The following MIDN variants were observed in gnomAD, a reference collection of about 807,000 sequenced individuals.
The protein encoded by MIDN is midnolin.
In MIDN, 26 loss-of-function variants were observed where a neutral mutation model predicts 46.1. The ratio of observed to expected loss-of-function variants is 0.56; its 90% CI spans 0.41 to 0.78. The LOEUF is 0.78. Ranked by LOEUF, MIDN falls within the 30% of genes least tolerant of loss-of-function variation. The pLI is 0.00. For missense variants in MIDN, 850 were observed against 771.8 expected, an observed-to-expected ratio of 1.10 and a Z score of -1.20; for synonymous variants, 432 against 343.3, an observed-to-expected ratio of 1.26 and a Z score of -2.86.
At position 1,255,047 on chromosome 19, in the gene MIDN, C is replaced by G. The variant is rs778805669; in HGVS notation, c.971C>G (p.Ser324Ter). 6.2e-7 allele frequency: 1 copy of G among 1,612,534 alleles called. No homozygotes were observed. The highest frequency in any genetic ancestry group is 8.5e-7 in the Non-Finnish European group (1 of 1,179,430). ...SFVNHAPGVF[S>*]GTFSGTLHPN... ...GTGAATCACGCCCCGGGGGTCTTCT[C>G]AGGGACCTTCTCTGGTAGGTGTCAC... Residue 324 changes from serine (S) to a stop codon, truncating the protein, a stop_gained, in exon 7 of 9, where the codon TCA becomes TGA. Coordinates refer to ENST00000682408, the MANE Select transcript of MIDN (RefSeq NM_001388306.1). LOFTEE classifies it high-confidence loss of function.
chr19:1,252,759 C>T (rs1599980262), intron 4 of MIDN, among the ~76,000 whole-genome samples: 1 of 152,114 alleles, frequency 6.6e-6, no homozygotes, highest in Non-Finnish European at 1.5e-5. Flanking sequence ...TTCCGCTTTC[C>T]CAGCGGCATG....
rs1568788810 is a variant in MIDN at position 1,254,289 on chromosome 19, GGCCGCTGCGGCCGCC to G, written c.645_659del (p.Ala217_Ala221del). On this transcript the variant is annotated inframe_deletion, in exon 6 of 9. Coordinates refer to ENST00000682408, the MANE Select transcript of MIDN (RefSeq NM_001388306.1). ...CTCCACTGCAACACCGCCATGTGCT[GGCCGCTGCGGCCGCC>G]GCCGCTGCTGCGCGGGGGGACCCCA... 2.5e-6 allele frequency: 4 copies of G among 1,570,504 alleles called. No individual in the cohort carries two copies. The highest frequency in any genetic ancestry group is 1.8e-5 in the Admixed American group (1 of 55,974).
At chr19:1,249,518 C>T (rs1021001612) in intron 1 of MIDN, among the ~76,000 whole-genome samples, 2 of 149,936 alleles carry the variant, frequency 1.3e-5, no homozygotes, top group African/African-American at 4.9e-5. Context: ...GTACCAGACC[C>T]GTCTCCAGAC....
intron 7 of MIDN, 151 bp downstream of exon 7, chr19:1,255,212 C>T: frequency 8.5e-7 from 1 of 1,175,296 alleles, no homozygotes; most frequent in African/African-American, 1.5e-5. Context: ...GAATCCCCCA[C>T]ACACACGCCT....
chr19:1,253,965 GC>G lies in MIDN; in HGVS notation c.399del (p.Pro135ArgfsTer48), dbSNP rs1281129022. On this transcript the variant is annotated frameshift_variant, in exon 5 of 9. Coordinates refer to ENST00000682408, the MANE Select transcript of MIDN (RefSeq NM_001388306.1). LOFTEE classifies it high-confidence loss of function. The stretch of plus-strand genomic sequence containing the variant: ...CTCTGTCCCCACAGCCCCCAGCGGC[GC>G]CCGGGCCGGGCCGGGCTGGCGGAGG... ...SLTETQPPAA[P>X]GPGRAGGGGF... is the part of the protein sequence containing the mutation. 11 of 1,392,584 alleles carry G rather than the reference GC, an allele frequency of 7.9e-6. No homozygotes were observed. The highest frequency in any genetic ancestry group is 9.2e-6 in the Non-Finnish European group (10 of 1,081,244). 86.3% of individuals were successfully genotyped at this position (1,392,584 alleles called of 1,614,324 possible).
At chr19:1,252,620 A>C (rs1599979927) in intron 4 of MIDN, among the ~76,000 whole-genome samples, 1 of 140,766 alleles carries the variant, frequency 7.1e-6, no homozygotes, top group African/African-American at 2.7e-5. Flanking sequence ...GGCCCTGGCC[A>C]CCTCCCAGGA....
At position 1,257,026 on chromosome 19, in the gene MIDN, C is replaced by A; in HGVS notation, c.1290C>A (p.Ala430=). The A allele has an allele frequency of 6.2e-7, 1 of 1,611,768 alleles. No individual in the cohort carries two copies. The change falls in exon 9 of 9, where the codon GCC becomes GCA. Residue 430 remains alanine, a synonymous_variant. Coordinates refer to ENST00000682408, the MANE Select transcript of MIDN (RefSeq NM_001388306.1). ...GGCTTCGGCAGACAGAAAACCGCGC[C>A]ACGCGCTGCAAGGTGGAACGGCTGC... ...GDRLRQTENR[A]TRCKVERLQL... is the part of the protein sequence containing the mutation.
At position 1,254,984 on chromosome 19, in the gene MIDN, C is replaced by T. The variant is rs554393552; in HGVS notation, c.908C>T (p.Pro303Leu). 2.5e-6 allele frequency: 4 copies of T among 1,613,222 alleles called. No homozygotes were observed. The highest frequency in any genetic ancestry group is 3.4e-6 in the Non-Finnish European group (4 of 1,179,894). Reference protein sequence around the residue: ...TTSTPGASPAPRSRKPGAVIE... With the variant: ...TTSTPGASPALRSRKPGAVIE... Reference sequence around the variant, plus strand: ...TCTACCCCAGGGGCCAGCCCTGCCCCCCGCTCCCGAAAACCCGGCGCCGTC... The same window carrying T: ...TCTACCCCAGGGGCCAGCCCTGCCCTCCGCTCCCGAAAACCCGGCGCCGTC... Residue 303 changes from proline (P) to leucine (L), a missense_variant, in exon 7 of 9, where the codon CCC becomes CTC. Coordinates refer to ENST00000682408, the MANE Select transcript of MIDN (RefSeq NM_001388306.1).
chr19:1,257,492 T>G lies in MIDN; in HGVS notation c.*220T>G. On this transcript the variant is annotated 3_prime_UTR_variant, in exon 9 of 9. Coordinates refer to ENST00000682408, the MANE Select transcript of MIDN (RefSeq NM_001388306.1). ...TTCATGGGCTTTGCTTCCTACCTCC[T>G]TCACCCTTCACTCCTGCCCTCCTCT... 1.9e-6 allele frequency: 1 copy of G among 514,120 alleles called. No individual in the cohort carries two copies. Among genetic ancestry groups the G allele is most frequent in the Non-Finnish European group, 3.4e-6 (1 of 293,638 alleles). 31.8% of individuals were successfully genotyped at this position (514,120 alleles called of 1,614,324 possible).
chr19:1,251,512 G>C (rs749293633), intron 2 of MIDN, 50 bp from the exon 3 acceptor site: 15 of 1,563,924 alleles, frequency 9.6e-6, no homozygotes, highest in African/African-American at 1.4e-5. Context: ...CTGCTTCCGC[G>C]TCCCTGTGTC....
In MIDN at chr19:1,253,939, C is replaced by A; in HGVS notation, c.385-15C>A. ...GAGGGGCAGGCCCCCGTCTGACCCG[C>A]CTCTGTCCCCACAGCCCCCAGCGGC... On this transcript the variant is annotated splice_polypyrimidine_tract_variant and intron_variant, in intron 4 of 8. Coordinates refer to ENST00000682408, the MANE Select transcript of MIDN (RefSeq NM_001388306.1). The A allele has an allele frequency of 7.2e-7, 1 of 1,384,074 alleles. No homozygotes were observed. The highest frequency in any genetic ancestry group is 9.3e-7 in the Non-Finnish European group (1 of 1,076,266). 85.7% of individuals were successfully genotyped at this position (1,384,074 alleles called of 1,614,324 possible).
At position 1,257,880 on chromosome 19, in the gene MIDN, A is replaced by G. The variant is rs1008078544; in HGVS notation, c.*608A>G. ...CCAACGAGGGGACTGTTTCTCTTCC[A>G]CTCCTATCCTCTTTTCTTGATCTTT... On this transcript the variant is annotated 3_prime_UTR_variant, in exon 9 of 9. Transcript: ENST00000682408. 8.0e-5 allele frequency: 12 copies of G among 149,382 alleles called. No homozygotes were observed. The highest frequency in any genetic ancestry group is 3.0e-4 in the African/African-American group (12 of 40,026). 9.3% of individuals were successfully genotyped at this position (149,382 alleles called of 1,614,324 possible). A position where few individuals can be genotyped will look rare whatever the true frequency, so the allele number is the denominator to read the frequency against.
At position 1,255,676 on chromosome 19, in the gene MIDN, C is replaced by G; in HGVS notation, c.1240C>G (p.Arg414Gly). The G allele has an allele frequency of 1.3e-6, 2 of 1,591,666 alleles. No homozygotes were observed. The highest frequency in any genetic ancestry group is 1.7e-6 in the Non-Finnish European group (2 of 1,172,850). Reference protein sequence around the residue: ...ASLLQGQSQIRMCKPPGDRLR... With the variant: ...ASLLQGQSQIGMCKPPGDRLR... ...CCTGCTGCAGGGCCAGAGCCAGATC[C>G]GCATGTGCAAGCCCCCGGGTGAGTG... is the stretch of plus-strand genomic sequence containing the variant. Residue 414 changes from arginine (R) to glycine (G), a missense_variant, in exon 8 of 9, where the codon CGC (arginine) becomes GGC (glycine). Coordinates refer to ENST00000682408, the MANE Select transcript of MIDN (RefSeq NM_001388306.1).
chr19:1,250,692 C>T (rs2081115043), intron 2 of MIDN, among the ~76,000 whole-genome samples, 163 bp downstream of exon 2: 1 of 150,910 alleles, frequency 6.6e-6, no homozygotes, highest in Non-Finnish European at 1.5e-5. Flanking sequence ...GCCTCGGCCC[C>T]CTCCCCCGCC....
intron 3 of MIDN, 42 bp downstream of exon 3, chr19:1,251,691 C>T (rs369575264): frequency 4.1e-5 from 64 of 1,576,170 alleles, no homozygotes; most frequent in Non-Finnish European, 4.8e-5. Context: ...GGCCCCCGCA[C>T]ACAGGCAGTA....
At chr19:1,253,503 G>C (rs1486223110) in intron 4 of MIDN, among the ~76,000 whole-genome samples, 1 of 152,026 alleles carries the variant, frequency 6.6e-6, no homozygotes, top group Non-Finnish European at 1.5e-5. Context: ...GACAGGGTGA[G>C]ATTCAACCCA....
rs1181265400 is a variant in MIDN at position 1,250,321 on chromosome 19, C to G, written c.25C>G (p.Arg9Gly). The change falls in exon 2 of 9, where the codon CGG becomes GGG. Residue 9 changes from arginine to glycine, a missense_variant. Transcript: ENST00000682408. ...GATGGAGCCGCAGCCCGGCGGCGCC[C>G]GGAGCTGCCGGCGCGGGGCCCCCGG... is the stretch of plus-strand genomic sequence containing the variant. MEPQPGGA[R>G]SCRRGAPGGA... The G allele has an allele frequency of 8.0e-6, 8 of 1,002,202 alleles. No homozygotes were observed. Among genetic ancestry groups the G allele is most frequent in the Non-Finnish European group, 8.3e-6 (7 of 842,470 alleles). The allele number at this position is 1,002,202 out of a possible 1,614,324, so 62.1% of individuals were successfully genotyped here.
chr19:1,251,919 C>G lies in MIDN; in HGVS notation c.384+18C>G. The G allele has an allele frequency of 1.2e-6, 2 of 1,610,402 alleles. No homozygotes were observed. The highest frequency in any genetic ancestry group is 8.5e-7 in the Non-Finnish European group (1 of 1,177,736). On this transcript the variant is annotated intron_variant, in intron 4 of 8. Transcript: ENST00000682408. Reference sequence around the variant, plus strand: ...AGACGCAGGTAAGACCTCGCCAGCCCCTTCCTAACAGGGCAGCCCTGGGAG... The same window carrying G: ...AGACGCAGGTAAGACCTCGCCAGCCGCTTCCTAACAGGGCAGCCCTGGGAG...
At position 1,250,213 on chromosome 19, in the gene MIDN, C is replaced by T. The variant is rs966412137; in HGVS notation, c.-84C>T. ...CCCGAGTGCCCGGAGGACCCGGCATCCGGGGAGCCTCTCGCCCCTGTCCCG... is the reference window on the plus strand; with the variant it reads ...CCCGAGTGCCCGGAGGACCCGGCATTCGGGGAGCCTCTCGCCCCTGTCCCG... On this transcript the variant is annotated 5_prime_UTR_variant, in exon 2 of 9. Transcript: ENST00000682408. 1 of 544,742 alleles carries T rather than the reference C, an allele frequency of 1.8e-6. No homozygotes were observed. The highest frequency in any genetic ancestry group is 2.1e-5 in the African/African-American group (1 of 48,716). The allele number at this position is 544,742 out of a possible 1,614,324, so 33.7% of individuals were successfully genotyped here. A position where few individuals can be genotyped will look rare whatever the true frequency, so the allele number is the denominator to read the frequency against.
Sources: allele counts gnomAD v4.1 joint callset (sites outside exome capture counted in the v4.1 genomes callset), GRCh38; gene constraint gnomAD v4.1.1; transcripts MANE v1.5; gene names NCBI Gene and HGNC (gene_info 2026-07-23, HGNC 2026-07-21).